The following ZNF721 variants were observed in gnomAD, a reference collection of about 807,000 sequenced individuals.
ZNF721 encodes the protein zinc finger protein 721.
ZNF721 carries 2 observed loss-of-function variants against 2.4 expected under a neutral mutation model. The ratio of observed to expected loss-of-function variants is 0.82; its 90% CI spans 0.34 to 2.58. ZNF721 has a LOEUF of 2.58. Among genes scored for constraint, ZNF721 ranks in the 30% most tolerant of loss-of-function variants. The pLI, the probability that ZNF721 is intolerant of heterozygous loss-of-function variation, is 0.11. For synonymous variants in ZNF721, 398 were observed against 381.8 expected, an observed-to-expected ratio of 1.04 and a Z score of -0.50; for missense variants, 1,187 against 1,085.5, an observed-to-expected ratio of 1.09 and a Z score of -1.31.
chr4:463,965 ATTATC>A (rs1391664484), intron 2 of ZNF721, among the ~76,000 whole-genome samples: 4 of 152,304 alleles, frequency 2.6e-5, no homozygotes, highest in Admixed American at 1.3e-4. Flanking sequence ...ATTCAAAATA[ATTATC>A]TTAAAAAATC....
Position 443,677 on chromosome 4 carries a change from A to C in ZNF721, c.790T>G (p.Phe264Val). The change falls in exon 3 of 3, where the codon TTT (phenylalanine) becomes GTT (valine). Residue 264 changes from phenylalanine (F) to valine (V), a missense_variant. By Grantham distance (50) the Phe-to-Val change is conservative. Transcript: ENST00000511833. ...GTATGAATCCTCTTATGTTTAGCAA[A>C]GCTTGAGGATGAGGAAATGACTTTG... Reference protein sequence around the residue: ...CGKVISSSSSFAKHKRIHTGE... With the variant: ...CGKVISSSSSVAKHKRIHTGE... 4 of 1,613,702 alleles carry C rather than the reference A, an allele frequency of 2.5e-6. No homozygotes were observed. The highest frequency in any genetic ancestry group is 3.4e-6 in the Non-Finnish European group (4 of 1,179,906).
chr4:482,151 T>C (rs1205652524), intron 1 of ZNF721, among the ~76,000 whole-genome samples: 2 of 152,224 alleles, frequency 1.3e-5, no homozygotes, highest in Admixed American at 6.5e-5. Flanking sequence ...TTTGATTTGT[T>C]ATTTTATCTG....
intron 1 of ZNF721, among the ~76,000 whole-genome samples, chr4:490,264 G>C (rs80256007): frequency 0.37 from 55,378 of 151,494 alleles, 10,329 homozygotes; most frequent in African/African-American, 0.45. Flanking sequence ...ATCACGAGGT[G>C]AGGAGATCGA....
intron 1 of ZNF721, among the ~76,000 whole-genome samples, chr4:493,484 G>A (rs1385914299): frequency 6.6e-6 from 1 of 152,180 alleles, no homozygotes. Context: ...TTCAAGACCA[G>A]CCTGGCCAAC....
intron 2 of ZNF721, among the ~76,000 whole-genome samples, chr4:468,400 A>G (rs1444800872): frequency 6.6e-6 from 1 of 152,006 alleles, no homozygotes; most frequent in Non-Finnish European, 1.5e-5. Flanking sequence ...ACTACACTCC[A>G]GCCTGGGCGA....
intron 1 of ZNF721, among the ~76,000 whole-genome samples, chr4:477,976 G>C (rs1406263504): frequency 1.3e-5 from 2 of 152,268 alleles, no homozygotes; most frequent in Non-Finnish European, 1.5e-5. Context: ...CAAAGGCAAA[G>C]ATTTACCACA....
chr4:481,197 C>T (rs1715762340), intron 1 of ZNF721, among the ~76,000 whole-genome samples: 1 of 152,190 alleles, frequency 6.6e-6, no homozygotes, highest in East Asian at 1.9e-4. Flanking sequence ...GTTGGAATTA[C>T]AGGCCAGAGC....
At chr4:492,278 TC>T (rs1716043980) in intron 1 of ZNF721, among the ~76,000 whole-genome samples, 1 of 151,974 alleles carries the variant, frequency 6.6e-6, no homozygotes, top group Non-Finnish European at 1.5e-5. Context: ...ATAAAATCTG[TC>T]AGGCCAGTTA....
At chr4:494,591 G>C (rs1388411502) in intron 1 of ZNF721, among the ~76,000 whole-genome samples, 1 of 152,106 alleles carries the variant, frequency 6.6e-6, no homozygotes, top group Non-Finnish European at 1.5e-5. Flanking sequence ...CAGCTAAGTA[G>C]TCTTACATTT....
At chr4:482,303 A>G (rs1715790655) in intron 1 of ZNF721, among the ~76,000 whole-genome samples, 1 of 152,054 alleles carries the variant, frequency 6.6e-6, no homozygotes, top group Non-Finnish European at 1.5e-5. Flanking sequence ...CACTAGGATT[A>G]CAGGCATGTG....
intron 2 of ZNF721, among the ~76,000 whole-genome samples, chr4:461,276 C>T (rs1715060898): frequency 6.6e-6 from 1 of 152,190 alleles, no homozygotes; most frequent in Admixed American, 6.5e-5. Context: ...AGCTTCATCC[C>T]TAGCATGAAA....
At chr4:473,916 C>T in intron 1 of ZNF721, 2 of 1,485,646 alleles carry the variant, frequency 1.3e-6, no homozygotes, top group Non-Finnish European at 1.8e-6. Context: ...GTCCCGCCGC[C>T]GCCATTTGCC....
rs781785197 is a variant in ZNF721, at chr4:441,897, C to T, written c.2570G>A (p.Arg857Lys). 3.1e-6 allele frequency: 5 copies of T among 1,613,518 alleles called. No homozygotes were observed. Among genetic ancestry groups the T allele is most frequent in the Non-Finnish European group, 4.2e-6 (5 of 1,179,866 alleles). The part of the protein sequence containing the change: ...RQSAILYVHR[R>K]IHTGEKPYTC... ...GTAGGGTTTCTCTCCAGTATGAATT[C>T]TCCTATGTACATAAAGGATTGCTGA... The change falls in exon 3 of 3, where the codon AGA becomes AAA. Residue 857 changes from arginine (R) to lysine (K), a missense_variant. Transcript: ENST00000511833.
At chr4:467,845 T>C (rs782171126) in intron 2 of ZNF721, among the ~76,000 whole-genome samples, 1 of 152,066 alleles carries the variant, frequency 6.6e-6, no homozygotes, top group Non-Finnish European at 1.5e-5. Context: ...CTATAAAAAC[T>C]GTTCCCAGGG....
chr4:489,521 C>T (rs572069538), intron 1 of ZNF721, among the ~76,000 whole-genome samples: 3 of 152,206 alleles, frequency 2.0e-5, no homozygotes, highest in Non-Finnish European at 2.9e-5. Flanking sequence ...ATGGTCTTCA[C>T]GTGGACACTC....
chr4:463,595 T>C lies in ZNF721; in HGVS notation c.34+8980A>G, dbSNP rs561365078. 5.6e-4 allele frequency among the ~76,000 whole-genome samples: 85 copies of C among 152,304 alleles called. 3 individuals are homozygous for C. The highest frequency in any genetic ancestry group is 5.6e-3 in the Admixed American group (85 of 15,292). On this transcript the variant is annotated intron_variant, in intron 2 of 2. Coordinates refer to ENST00000511833, the MANE Select transcript of ZNF721 (RefSeq NM_133474.4). ...GGAGCCATAAAAAAGGATGAGTTCA[T>C]GTCCTATGCAGGGACATGGATGAAG...
chr4:443,347 T>G lies in ZNF721; in HGVS notation c.1120A>C (p.Thr374Pro). 1 of 1,613,974 alleles carries G rather than the reference T, an allele frequency of 6.2e-7. No homozygotes were observed. The highest frequency in any genetic ancestry group is 8.5e-7 in the Non-Finnish European group (1 of 1,179,942). ...ATTTTCTTGTGTTGATTCAGGGCTG[T>G]GTACCGTCCAAAGGCTTTGCCACAG... ...EDCGKAFGRY[T>P]ALNQHKKIHT... The change falls in exon 3 of 3, where the codon ACA (threonine) becomes CCA (proline). Residue 374 changes from threonine (T) to proline (P), a missense_variant. Coordinates refer to ENST00000511833, the MANE Select transcript of ZNF721 (RefSeq NM_133474.4).
chr4:473,936 G>C, intron 1 of ZNF721: 1 of 1,502,022 alleles, frequency 6.7e-7, no homozygotes, highest in South Asian at 1.1e-5. Flanking sequence ...CGCCGGTTCT[G>C]ATGAGGCCTC....
chr4:476,060 T>TA (rs1400809097), intron 1 of ZNF721, among the ~76,000 whole-genome samples: 1 of 152,218 alleles, frequency 6.6e-6, no homozygotes, highest in Admixed American at 6.5e-5. Flanking sequence ...CTGGGCCCTT[T>TA]AAATATTTTA....
Sources: gnomAD v4.1 joint callset for allele counts (sites outside exome capture counted in the v4.1 genomes callset) on GRCh38, gnomAD v4.1.1 for gene constraint, MANE v1.5 for transcripts, NCBI Gene and HGNC (gene_info 2026-07-23, HGNC 2026-07-21) for gene names.